CNTN4: variants seen among roughly 807,000 people sequenced by gnomAD.
CNTN4 encodes contactin-4.
In CNTN4, 77 loss-of-function variants were observed where a neutral mutation model predicts 122.5. That is an observed-to-expected ratio of 0.63 (90% confidence interval 0.52 to 0.76). The LOEUF (loss-of-function observed/expected upper bound fraction) is 0.76, where lower values mean the gene tolerates loss of function less well. Among genes scored for constraint, CNTN4 ranks in the 30% least tolerant of loss-of-function variants. The pLI is 0.00. For synonymous variants in CNTN4, 512 were observed against 447.0 expected, an observed-to-expected ratio of 1.15 and a Z score of -1.83; for missense variants, 1,256 against 1,259.1, an observed-to-expected ratio of 1.00 and a Z score of 0.04.
chr3:2,600,008 CTTTTTTTTTT>C lies in CNTN4; in HGVS notation c.55+28468_55+28477del, dbSNP rs71058630. Among the ~76,000 whole-genome samples, 44 of 41,758 alleles carry C rather than the reference CTTTTTTTTTT, an allele frequency of 1.1e-3. 1 individual carries two copies. The highest frequency in any genetic ancestry group is 3.4e-3 in the African/African-American group (28 of 8,340). 27.4% of individuals were successfully genotyped at this position (41,758 alleles called of 152,430 possible). A position where few individuals can be genotyped will look rare whatever the true frequency, so the allele number is the denominator to read the frequency against. On this transcript the variant is annotated intron_variant, in intron 4 of 24. Transcript: ENST00000418658. The stretch of plus-strand genomic sequence containing the variant: ...CTCTATTTTGGTTTATGGAATTCTT[CTTTTTTTTTT>C]TTTTTTTTTTTTTTTTTGCCAAAAC...
At chr3:2,560,235 G>A (rs2078894566) in intron 3 of CNTN4, among the ~76,000 whole-genome samples, 1 of 151,406 alleles carries the variant, frequency 6.6e-6, no homozygotes, top group African/African-American at 2.4e-5. Context: ...CGATTTCCCA[G>A]GCTCAGGTGA....
chr3:2,511,991 A>T (rs1163094269), intron 3 of CNTN4, among the ~76,000 whole-genome samples: 1 of 152,166 alleles, frequency 6.6e-6, no homozygotes, highest in East Asian at 1.9e-4. Context: ...GCATATATTT[A>T]TCTTCTTCTG....
At chr3:2,611,892 TC>T (rs1415431844) in intron 4 of CNTN4, among the ~76,000 whole-genome samples, 1 of 152,048 alleles carries the variant, frequency 6.6e-6, no homozygotes, top group Non-Finnish European at 1.5e-5. Flanking sequence ...GATGAGTATT[TC>T]TTTTGATTGC....
intron 13 of CNTN4, among the ~76,000 whole-genome samples, chr3:2,936,237 G>A (rs1277811284): frequency 2.6e-5 from 4 of 152,124 alleles, no homozygotes. Context: ...ACTTCCTAAG[G>A]CAGTGTTTCT....
chr3:2,423,441 C>G (rs1426029518), intron 3 of CNTN4, among the ~76,000 whole-genome samples: 1 of 150,726 alleles, frequency 6.6e-6, no homozygotes, highest in Non-Finnish European at 1.5e-5. Context: ...ATGCTGCAAG[C>G]AGGAAGTCAG....
chr3:2,865,812 A>T (rs530817135), intron 7 of CNTN4, among the ~76,000 whole-genome samples: 12 of 152,330 alleles, frequency 7.9e-5, no homozygotes, highest in African/African-American at 2.6e-4. Flanking sequence ...GCATGGGCTC[A>T]TGTGGTCCTT....
intron 3 of CNTN4, among the ~76,000 whole-genome samples, chr3:2,457,093 C>T (rs930348657): frequency 6.6e-6 from 1 of 152,074 alleles, no homozygotes; most frequent in Non-Finnish European, 1.5e-5. Flanking sequence ...GTACTCTATA[C>T]TCTTTCTTTC....
intron 3 of CNTN4, among the ~76,000 whole-genome samples, chr3:2,530,811 G>T (rs1244848983): frequency 6.6e-6 from 1 of 152,112 alleles, no homozygotes; most frequent in African/African-American, 2.4e-5. Context: ...ATGTCATTCA[G>T]CCAAGAAGTT....
chr3:2,633,049 G>A (rs1381116592), intron 4 of CNTN4, among the ~76,000 whole-genome samples: 1 of 150,036 alleles, frequency 6.7e-6, no homozygotes, highest in Admixed American at 6.7e-5. Context: ...ACAATCTAAG[G>A]TTGTACACTA....
At chr3:2,729,490 G>A (rs1369111650) in intron 4 of CNTN4, among the ~76,000 whole-genome samples, 2 of 139,022 alleles carry the variant, frequency 1.4e-5, no homozygotes, top group Non-Finnish European at 3.0e-5. Flanking sequence ...GTTGCAGTGA[G>A]CCGAGATCGT....
At chr3:2,189,036 A>G (rs2037402696) in intron 2 of CNTN4, among the ~76,000 whole-genome samples, 1 of 152,200 alleles carries the variant, frequency 6.6e-6, no homozygotes, top group African/African-American at 2.4e-5. Context: ...TTCATCATTA[A>G]GTAATTCTGT....
At chr3:3,010,272 C>G (rs1697092183) in intron 14 of CNTN4, among the ~76,000 whole-genome samples, 1 of 152,002 alleles carries the variant, frequency 6.6e-6, no homozygotes, top group Non-Finnish European at 1.5e-5. Flanking sequence ...GCTCTGTTAC[C>G]TGACTTCAAG....
At chr3:2,406,581 C>T (rs1343366847) in intron 3 of CNTN4, among the ~76,000 whole-genome samples, 1 of 152,054 alleles carries the variant, frequency 6.6e-6, no homozygotes, top group Admixed American at 6.6e-5. Flanking sequence ...TGGGAATTCT[C>T]TGTACTATTT....
rs759278723 is a variant in CNTN4, at chr3:2,244,285, G to T, written c.-144-94893G>T. Among the ~76,000 whole-genome samples, 5 of 151,864 alleles carry T rather than the reference G, an allele frequency of 3.3e-5. No individual in the cohort carries two copies. In the East Asian group the frequency reaches 9.7e-4, roughly 29 times the overall value. ...TCATCTCAAAATATCTTATTATACT[G>T]TACTCACCTATTTTTGGACTGTGGG... On this transcript the variant is annotated intron_variant, in intron 2 of 24. Coordinates refer to ENST00000418658, the MANE Select transcript of CNTN4 (RefSeq NM_175607.3).
chr3:2,127,972 A>T (rs1230988840), intron 2 of CNTN4, among the ~76,000 whole-genome samples: 1 of 152,218 alleles, frequency 6.6e-6, no homozygotes, highest in Non-Finnish European at 1.5e-5. Context: ...CGAGGAAAAT[A>T]TGAATTTTGT....
chr3:2,156,813 A>G (rs1241053232), intron 2 of CNTN4, among the ~76,000 whole-genome samples: 3 of 152,110 alleles, frequency 2.0e-5, no homozygotes, highest in Non-Finnish European at 2.9e-5. Flanking sequence ...GTATTAAGAG[A>G]CCATGATCCG....
intron 6 of CNTN4, among the ~76,000 whole-genome samples, chr3:2,785,138 C>CACACACATAT (rs140652217): frequency 2.9e-5 from 4 of 136,288 alleles, no homozygotes; most frequent in African/African-American, 5.4e-5. Context: ...CACACACACA[C>CACACACATAT]ATATATATAG....
chr3:2,293,329 G>T (rs1223026182), intron 2 of CNTN4, among the ~76,000 whole-genome samples: 9 of 152,164 alleles, frequency 5.9e-5, no homozygotes, highest in African/African-American at 1.9e-4. Context: ...TTAGCACAGT[G>T]CCAGACACAT....
chr3:2,401,534 T>C (rs988231820), intron 3 of CNTN4, among the ~76,000 whole-genome samples: 1 of 152,138 alleles, frequency 6.6e-6, no homozygotes, highest in Non-Finnish European at 1.5e-5. Context: ...TAAAGCTTTA[T>C]TTTTTTCTGT....
Sources: allele counts gnomAD v4.1 joint callset (sites outside exome capture counted in the v4.1 genomes callset), GRCh38; gene constraint gnomAD v4.1.1; transcripts MANE v1.5; gene names NCBI Gene and HGNC (gene_info 2026-07-23, HGNC 2026-07-21).